Variants in ENTPD5 observed in about 807,000 individuals in gnomAD.
ENTPD5 encodes the protein nucleoside diphosphate phosphatase ENTPD5.
A neutral mutation model predicts 60.2 loss-of-function variants in ENTPD5; 49 were observed. That is an observed-to-expected ratio of 0.81 (90% CI 0.65 to 1.03). The LOEUF (loss-of-function observed/expected upper bound fraction) is 1.03. Ranked by LOEUF, ENTPD5 falls within the 50% of genes least tolerant of loss-of-function variation. The pLI is 0.00. For synonymous variants in ENTPD5, 187 were observed against 185.4 expected (o/e 1.01, Z -0.07); for missense variants, 480 against 507.6 (o/e 0.95, Z 0.52).
rs1443485648 is a variant in ENTPD5, at chr14:73,965,955, T to G, written c.*973A>C. 1 of 152,142 alleles carries G rather than the reference T, an allele frequency of 6.6e-6. No homozygotes were observed. The highest frequency in any genetic ancestry group is 1.5e-5 in the Non-Finnish European group (1 of 68,040). The allele number at this position is 152,142 out of a possible 1,614,324, so 9.4% of individuals were successfully genotyped here. A position where few individuals can be genotyped will look rare whatever the true frequency, so the allele number is the denominator to read the frequency against. On this transcript the variant is annotated 3_prime_UTR_variant, in exon 16 of 16. Coordinates refer to ENST00000334696, the MANE Select transcript of ENTPD5 (RefSeq NM_001249.5). Reference sequence around the variant, plus strand: ...ATTCAAAGGATATTAGCTAAAGTGATCAGGGACCAGGACAGGAAGGTACTG... The same window carrying G: ...ATTCAAAGGATATTAGCTAAAGTGAGCAGGGACCAGGACAGGAAGGTACTG...
chr14:73,975,045 A>T (rs1395237857), intron 10 of ENTPD5, 60 bp from the exon 11 acceptor site: 26 of 1,275,490 alleles, frequency 2.0e-5, no homozygotes, highest in Middle Eastern at 1.9e-4. Context: ...GCCTAAAGCT[A>T]CCTCTTTCAA....
chr14:73,980,847 C>T (rs1216217342), intron 6 of ENTPD5, among the ~76,000 whole-genome samples: 1 of 152,142 alleles, frequency 6.6e-6, no homozygotes, highest in Non-Finnish European at 1.5e-5. Flanking sequence ...CCTGTAATCC[C>T]AGTACTTTGG....
chr14:73,976,540 A>C, intron 8 of ENTPD5, 128 bp from the exon 9 acceptor site: 1 of 683,742 alleles, frequency 1.5e-6, no homozygotes. Context: ...CCAAGGCTGC[A>C]GGTGAATGTC....
At chr14:73,992,001 CA>C (rs1371061746) in intron 3 of ENTPD5, among the ~76,000 whole-genome samples, 11 of 146,234 alleles carry the variant, frequency 7.5e-5, no homozygotes, top group African/African-American at 1.5e-4. Context: ...CTCCGTCTCA[CA>C]AAAAAAAAGT....
At chr14:73,961,862 A>T (rs755447445), downstream of ENTPD5, 3 of 1,614,174 alleles carry the variant, frequency 1.9e-6, no homozygotes, top group Non-Finnish European at 1.7e-6. Flanking sequence ...GTTGCTCAGG[A>T]CGTGGGGCTT....
intron 3 of ENTPD5, among the ~76,000 whole-genome samples, chr14:74,004,878 C>T (rs2058623375): frequency 1.3e-5 from 2 of 152,072 alleles, no homozygotes; most frequent in South Asian, 2.1e-4. Context: ...TACACAAAGG[C>T]ATGAATATTA....
At chr14:73,974,747 T>C (rs543624587) in intron 11 of ENTPD5, among the ~76,000 whole-genome samples, 177 bp downstream of exon 11, 218 of 152,324 alleles carry the variant, frequency 1.4e-3, no homozygotes, top group Admixed American at 2.3e-3. Context: ...ACATCAAAAC[T>C]TCTGAACTTA....
chr14:73,956,225 G>T, downstream of ENTPD5: 6 of 353,442 alleles, frequency 1.7e-5, 1 homozygote, highest in South Asian at 1.1e-4. Context: ...CTACTTGGGA[G>T]GCTGAGGCAG....
At chr14:73,980,846 C>T (rs1045434282) in intron 6 of ENTPD5, among the ~76,000 whole-genome samples, 9 of 152,082 alleles carry the variant, frequency 5.9e-5, no homozygotes, top group Non-Finnish European at 8.8e-5. Flanking sequence ...GCCTGTAATC[C>T]CAGTACTTTG....
chr14:73,995,349 G>A (rs1035194846), intron 3 of ENTPD5, among the ~76,000 whole-genome samples: 8 of 151,942 alleles, frequency 5.3e-5, no homozygotes, highest in Non-Finnish European at 7.4e-5. Flanking sequence ...TGGCTGGCCC[G>A]TAAGCAGGAA....
chr14:74,009,507 G>A (rs1466657363), intron 3 of ENTPD5, among the ~76,000 whole-genome samples: 1 of 152,226 alleles, frequency 6.6e-6, no homozygotes, highest in African/African-American at 2.4e-5. Flanking sequence ...ATAGTTTCAT[G>A]TATAAAGGAA....
intron 3 of ENTPD5, among the ~76,000 whole-genome samples, chr14:74,004,508 A>G (rs1440104726): frequency 1.3e-5 from 2 of 152,116 alleles, no homozygotes; most frequent in Non-Finnish European, 2.9e-5. Context: ...TGGTTTAATT[A>G]GACAGTTTTG....
At chr14:73,967,091 A>G in intron 15 of ENTPD5, 77 bp from the exon 16 acceptor site, 1 of 1,263,014 alleles carries the variant, frequency 7.9e-7, no homozygotes, top group Non-Finnish European at 1.1e-6. Flanking sequence ...GGCAGAAAAT[A>G]TTGGCAAAGA....
chr14:73,982,313 A>C (rs1280199829), intron 6 of ENTPD5, among the ~76,000 whole-genome samples: 2 of 152,010 alleles, frequency 1.3e-5, no homozygotes, highest in Non-Finnish European at 2.9e-5. Flanking sequence ...GACCTCAGGC[A>C]ATCCACCTGC....
chr14:73,968,446 C>T (rs1283800209), intron 15 of ENTPD5, among the ~76,000 whole-genome samples: 4 of 139,828 alleles, frequency 2.9e-5, no homozygotes, highest in African/African-American at 8.0e-5. Context: ...TTTTTTGAGA[C>T]GGAGTTTCGC....
intron 3 of ENTPD5, among the ~76,000 whole-genome samples, chr14:73,993,105 G>C (rs1025351483): frequency 6.6e-6 from 1 of 152,154 alleles, no homozygotes; most frequent in African/African-American, 2.4e-5. Flanking sequence ...GACAGGCCAA[G>C]GTGAGTGGAT....
chr14:73,970,899 C>T (rs2057194569), intron 14 of ENTPD5, among the ~76,000 whole-genome samples: 1 of 151,730 alleles, frequency 6.6e-6, no homozygotes, highest in Non-Finnish European at 1.5e-5. Flanking sequence ...GATCACAGCT[C>T]CCTGCAGCCT....
intron 9 of ENTPD5, 25 bp from the exon 10 acceptor site, chr14:73,976,040 A>G (rs763857693): frequency 1.3e-6 from 2 of 1,582,002 alleles, no homozygotes; most frequent in Non-Finnish European, 1.7e-6. Flanking sequence ...AAGCAAAAAG[A>G]CTATTCAGGA....
rs1491348534 is a variant in ENTPD5, at chr14:74,014,389, CCA to C, written c.-131+1433_-131+1434del. ...GAGATCCAGTCTTTACTCCCCCCCCCCACAAAAAAAAGTTAGCTGGGCATGGT... is the reference window on the plus strand; with the variant it reads ...GAGATCCAGTCTTTACTCCCCCCCCCCAAAAAAAAGTTAGCTGGGCATGGT... On this transcript the variant is annotated intron_variant, in intron 2 of 15. Coordinates refer to ENST00000334696, the MANE Select transcript of ENTPD5 (RefSeq NM_001249.5). Among the ~76,000 whole-genome samples, 19 of 148,874 alleles carry C rather than the reference CCA, an allele frequency of 1.3e-4. No individual in the cohort carries two copies. The South Asian group carries it at 1.3e-3, about 10-fold the overall frequency.
Sources: gnomAD v4.1 joint callset for allele counts (sites outside exome capture counted in the v4.1 genomes callset) on GRCh38, gnomAD v4.1.1 for gene constraint, MANE v1.5 for transcripts, NCBI Gene and HGNC (gene_info 2026-07-23, HGNC 2026-07-21) for gene names.